DOT1L: variants seen among roughly 807,000 people sequenced by gnomAD.
DOT1L encodes the protein histone-lysine N-methyltransferase, H3 lysine-79 specific.
Under a neutral mutation model 153.3 loss-of-function variants are expected in DOT1L, and 33 were observed. The observed-to-expected ratio is 0.22, with a 90% CI of 0.16 to 0.29. The LOEUF (loss-of-function observed/expected upper bound fraction) is 0.29, where lower values mean the gene tolerates loss of function less well. Among genes scored for constraint, DOT1L ranks in the 10% least tolerant of loss-of-function variants. The pLI is 1.00. For missense variants in DOT1L, 1,847 were observed against 2,119.9 expected (o/e 0.87, Z 2.53); for synonymous variants, 1,135 against 965.1 (o/e 1.18, Z -3.26).
At chr19:2,167,211 G>A (rs1335519829) in intron 1 of DOT1L, among the ~76,000 whole-genome samples, 3 of 152,136 alleles carry the variant, frequency 2.0e-5, no homozygotes, top group African/African-American at 7.2e-5. Flanking sequence ...AGGTTCTCAG[G>A]GGTGGACCGC....
chr19:2,216,670 C>T lies in DOT1L; in HGVS notation c.2313C>T (p.Tyr771=), dbSNP rs377648289. ...EKLSGLAAPD[Y]TRLSPAKIVL... Reference sequence around the variant, plus strand: ...TGTCTGGCCTAGCCGCACCCGACTACACTAGGCTGTCCCCGGCCAAGATTG... The same window carrying T: ...TGTCTGGCCTAGCCGCACCCGACTATACTAGGCTGTCCCCGGCCAAGATTG... Residue 771 remains tyrosine, a synonymous_variant, in exon 20 of 28, where the codon TAC becomes TAT. Transcript: ENST00000398665. 13 of 1,604,176 alleles carry T rather than the reference C, an allele frequency of 8.1e-6. No individual in the cohort carries two copies. In the African/African-American group the frequency reaches 1.6e-4, roughly 20 times the overall value.
At chr19:2,182,511 T>G (rs1054511495) in intron 2 of DOT1L, among the ~76,000 whole-genome samples, 2 of 152,044 alleles carry the variant, frequency 1.3e-5, no homozygotes, top group African/African-American at 4.8e-5. Context: ...GGCAACAGAG[T>G]GAGACCCTGT....
Position 2,223,295 on chromosome 19 carries a change from C to T in DOT1L, c.3405C>T (p.Asn1135=). ...LNLNSMVSNI[N]QPLEITAISS... The stretch of plus-strand genomic sequence containing the variant: ...TCTGCCCTCAGGTCAGTAACATCAA[C>T]CAGCCCCTGGAGATTACAGCCATCT... The change falls in exon 25 of 28, where the codon AAC becomes AAT. Residue 1135 remains asparagine (N), a synonymous_variant. Coordinates refer to ENST00000398665, the MANE Select transcript of DOT1L (RefSeq NM_032482.3). 1.2e-6 allele frequency: 2 copies of T among 1,613,566 alleles called. No homozygotes were observed. The highest frequency in any genetic ancestry group is 2.2e-5 in the South Asian group (2 of 91,050).
intron 8 of DOT1L, among the ~76,000 whole-genome samples, chr19:2,201,152 TC>T (rs1188639469): frequency 7.3e-6 from 1 of 137,162 alleles, no homozygotes; most frequent in Non-Finnish European, 1.6e-5. Context: ...TTCCTCGTCC[TC>T]CCCTCATTCC....
Position 2,216,381 on chromosome 19 carries a change from G to A in DOT1L, c.2024G>A (p.Gly675Glu). ...GACGCCCTGTCCCTGCACCTGCGTG[G>A]GAAGGGCGCCCTGGGCCGCGAGCTG... ...PDDALSLHLR[G>E]KGALGRELEP... is the part of the protein sequence containing the mutation. Residue 675 changes from glycine (G) to glutamate (E), a missense_variant, in exon 20 of 28, where the codon GGG (glycine) becomes GAG (glutamate). Coordinates refer to ENST00000398665, the MANE Select transcript of DOT1L (RefSeq NM_032482.3). 1 of 1,612,342 alleles carries A rather than the reference G, an allele frequency of 6.2e-7. No homozygotes were observed. The highest frequency in any genetic ancestry group is 8.5e-7 in the Non-Finnish European group (1 of 1,179,776).
chr19:2,207,427 G>A lies in DOT1L; in HGVS notation c.857-147G>A. 1 of 657,898 alleles carries A rather than the reference G, an allele frequency of 1.5e-6. No homozygotes were observed. Among genetic ancestry groups the A allele is most frequent in the South Asian group, 2.0e-5 (1 of 50,674 alleles). 40.8% of individuals were successfully genotyped at this position (657,898 alleles called of 1,614,324 possible). Reference sequence around the variant, plus strand: ...TGCACCTCCCTGGGCCGGCCTCTGTGGGCCACTGTGGCCTGACGCAGTGTG... The same window carrying A: ...TGCACCTCCCTGGGCCGGCCTCTGTAGGCCACTGTGGCCTGACGCAGTGTG... On this transcript the variant is annotated intron_variant, in intron 10 of 27. Transcript: ENST00000398665. This position sits in a 1 kb window ranked among gnomAD's most constrained non-coding sequence, Gnocchi z 4.5.
chr19:2,169,871 G>A (rs1037128467), intron 1 of DOT1L, among the ~76,000 whole-genome samples: 7 of 152,124 alleles, frequency 4.6e-5, no homozygotes, highest in Non-Finnish European at 7.3e-5. Flanking sequence ...AAAAACACAC[G>A]GTTGCCCAGG....
chr19:2,227,958 CGGT>C, intron 27 of DOT1L: 1 of 1,243,908 alleles, frequency 8.0e-7, no homozygotes, highest in Non-Finnish European at 1.0e-6. Context: ...GCACCTGGGC[CGGT>C]CCCCCGCGGG....
chr19:2,218,446 T>A (rs1401731759), intron 22 of DOT1L, among the ~76,000 whole-genome samples: 3 of 152,136 alleles, frequency 2.0e-5, no homozygotes, highest in Non-Finnish European at 4.4e-5. Context: ...CAGGCTGGAG[T>A]GCAGTGGTGC....
intron 2 of DOT1L, 64 bp from the exon 3 acceptor site, chr19:2,185,791 C>G (rs1032772304): frequency 1.3e-6 from 2 of 1,565,922 alleles, no homozygotes; most frequent in Non-Finnish European, 1.8e-6. Context: ...AAAACAAAAA[C>G]AAAACACAAA....
At chr19:2,211,967 C>T (rs926552869) in intron 16 of DOT1L, 125 bp downstream of exon 16, 9 of 835,920 alleles carry the variant, frequency 1.1e-5, no homozygotes, top group African/African-American at 1.7e-5. Context: ...CTCCTCTGCT[C>T]ACCTGCTGCG....
At chr19:2,228,493 A>G (rs1466675681) in intron 27 of DOT1L, 7 of 1,190,958 alleles carry the variant, frequency 5.9e-6, no homozygotes, top group Non-Finnish European at 7.4e-6. Flanking sequence ...CTGAGGAGGG[A>G]AGAGGGAGAG....
At chr19:2,196,114 C>T (rs148150845) in intron 7 of DOT1L, among the ~76,000 whole-genome samples, 6 of 152,368 alleles carry the variant, frequency 3.9e-5, no homozygotes, top group African/African-American at 1.2e-4. Context: ...AGTGGGCGTG[C>T]GTCCTGCCTA....
chr19:2,179,438 G>A (rs1333922424), intron 1 of DOT1L, among the ~76,000 whole-genome samples: 3 of 152,148 alleles, frequency 2.0e-5, no homozygotes, highest in Non-Finnish European at 4.4e-5. Flanking sequence ...GCATCCAGGG[G>A]ATCGCGTCTG....
chr19:2,173,321 G>A (rs1434971203), intron 1 of DOT1L, among the ~76,000 whole-genome samples: 1 of 152,212 alleles, frequency 6.6e-6, no homozygotes, highest in Non-Finnish European at 1.5e-5. Context: ...GGCGAGGAGA[G>A]TTCTGGTCAG....
chr19:2,221,612 C>T (rs547554687), intron 23 of DOT1L: 2 of 294,178 alleles, frequency 6.8e-6, no homozygotes, highest in East Asian at 1.1e-4. Context: ...GCCACGCAGC[C>T]ATGGGCTTTC....
chr19:2,225,250 C>G (rs1203382180), intron 25 of DOT1L, 138 bp from the exon 26 acceptor site: 10 of 798,374 alleles, frequency 1.3e-5, no homozygotes, highest in African/African-American at 1.7e-5. Flanking sequence ...CCCAGGGTGG[C>G]TGCACGGGTC....
intron 27 of DOT1L, chr19:2,228,102 C>T (rs1275122378): frequency 7.4e-7 from 1 of 1,351,998 alleles, no homozygotes; most frequent in Non-Finnish European, 9.9e-7. Context: ...AGCTTTCTTG[C>T]CCCCCACCTC....
chr19:2,215,975 A>C (rs1452721737), intron 19 of DOT1L: 1 of 318,712 alleles, frequency 3.1e-6, no homozygotes, highest in East Asian at 6.0e-5. Flanking sequence ...TTTTACACTT[A>C]GTGAAACTGG....
Sources: allele counts gnomAD v4.1 joint callset (sites outside exome capture counted in the v4.1 genomes callset), GRCh38; gene constraint gnomAD v4.1.1; non-coding constraint Gnocchi (gnomAD v3.1); transcripts MANE v1.5; gene names NCBI Gene and HGNC (gene_info 2026-07-23, HGNC 2026-07-21).